The following PTCH2 variants were observed in gnomAD, a reference collection of about 807,000 sequenced individuals.
The protein encoded by PTCH2 is protein patched homolog 2.
A neutral mutation model predicts 117.9 loss-of-function variants in PTCH2; 96 were observed. The ratio of observed to expected loss-of-function variants is 0.81; its 90% CI spans 0.69 to 0.96. The LOEUF (loss-of-function observed/expected upper bound fraction) is 0.96, where lower values mean the gene tolerates loss of function less well. PTCH2 is among the 50% of genes least tolerant of loss of function. PTCH2 has a pLI of 0.00. For synonymous variants in PTCH2, 615 were observed against 660.9 expected (o/e 0.93, Z 1.06); for missense variants, 1,379 against 1,562.5 (o/e 0.88, Z 1.98).
intron 19 of PTCH2, among the ~76,000 whole-genome samples, chr1:44,824,830 G>A (rs1369746794): frequency 2.0e-5 from 3 of 151,536 alleles, no homozygotes; most frequent in East Asian, 3.9e-4. Flanking sequence ...CTGCCACTAC[G>A]CCTGGCTAAT....
downstream of PTCH2, chr1:44,820,404 G>T (rs181152082): frequency 3.8e-4 from 241 of 640,110 alleles, no homozygotes; most frequent in Non-Finnish European, 5.9e-4. Context: ...CTTACCCGCA[G>T]TAAGCCTCCG....
rs372069504 is a variant in PTCH2 at position 44,827,149 on chromosome 1, C to T, written c.2514+18G>A. The T allele has an allele frequency of 6.2e-7, 1 of 1,614,024 alleles. No individual in the cohort carries two copies. The highest frequency in any genetic ancestry group is 8.5e-7 in the Non-Finnish European group (1 of 1,179,988). On this transcript the variant is annotated intron_variant, in intron 16 of 21. Coordinates refer to ENST00000372192, the MANE Select transcript of PTCH2 (RefSeq NM_003738.5). ...CTGCAGCCCCTGTACTAGTGGACCC[C>T]TCCAGCCCTCTCCCAACCTGGCTGA...
In PTCH2 at chr1:44,829,019, T is replaced by C. The variant is rs1653296842; in HGVS notation, c.1427A>G (p.His476Arg). ...GCCAGGCAGAGCCTCTGTGAAGGCA[T>C]GCGCCAGCAGGAATACGTCATCCAC... The part of the protein sequence containing the change: ...IGVDDVFLLA[H>R]AFTEALPGTP... Residue 476 changes from histidine to arginine, a missense_variant, in exon 11 of 22, where the codon CAT becomes CGT. By Grantham distance (29) the His-to-Arg change is conservative. Coordinates refer to ENST00000372192, the MANE Select transcript of PTCH2 (RefSeq NM_003738.5). 1.9e-6 allele frequency: 3 copies of C among 1,577,346 alleles called. No individual in the cohort carries two copies. The highest frequency in any genetic ancestry group is 2.6e-6 in the Non-Finnish European group (3 of 1,161,200).
Position 44,831,557 on chromosome 1 carries a change from C to G in PTCH2, c.617+149G>C. 1.3e-6 allele frequency: 1 copy of G among 771,532 alleles called. No homozygotes were observed. The highest frequency in any genetic ancestry group is 2.2e-6 in the Non-Finnish European group (1 of 460,994). The allele number at this position is 771,532 out of a possible 1,614,324, so 47.8% of individuals were successfully genotyped here. ...AAAGAGAAGGAGGATGTGGAGAGAG[C>G]CTTGGGGAAGCCCATGCTCTCTGTT... On this transcript the variant is annotated intron_variant, in intron 5 of 21. Coordinates refer to ENST00000372192, the MANE Select transcript of PTCH2 (RefSeq NM_003738.5). The surrounding 1 kb of genome is among the most constrained non-coding windows in gnomAD (Gnocchi z 4.3).
chr1:44,827,558 C>A lies in PTCH2; in HGVS notation c.2215G>T (p.Val739Leu), dbSNP rs145997436. Residue 739 changes from valine to leucine, a missense_variant, in exon 15 of 22, where the codon GTG becomes TTG. Val to Leu is a conservative substitution (Grantham distance 32). Coordinates refer to ENST00000372192, the MANE Select transcript of PTCH2 (RefSeq NM_003738.5). ...AAGCCACCCTGGGTCACCAGGGCCACCTCGTACAGGGAGAAGTACCTGAGC... is the reference window on the plus strand; with the variant it reads ...AAGCCACCCTGGGTCACCAGGGCCAACTCGTACAGGGAGAAGTACCTGAGC... ...AQLRYFSLYE[V>L]ALVTQGGFDY... 3 of 1,614,046 alleles carry A rather than the reference C, an allele frequency of 1.9e-6. No homozygotes were observed. The African/African-American group carries it at 4.0e-5, about 22-fold the overall frequency.
rs768951349 is a variant in PTCH2, at chr1:44,830,587, C to CAAAAAAAAAAAAAAAAAAAAAA, written c.813+260_813+261insTTTTTTTTTTTTTTTTTTTTTT. Among the ~76,000 whole-genome samples, 153 of 65,048 alleles carry CAAAAAAAAAAAAAAAAAAAAAA rather than the reference C, an allele frequency of 2.4e-3. 12 individuals carry two copies. The highest frequency in any genetic ancestry group is 7.8e-3 in the African/African-American group (114 of 14,628). 42.7% of individuals were successfully genotyped at this position (65,048 alleles called of 152,430 possible). On this transcript the variant is annotated intron_variant, in intron 6 of 21. Coordinates refer to ENST00000372192, the MANE Select transcript of PTCH2 (RefSeq NM_003738.5). ...CCAGCCTGGGTGACAGAGTGAGACTCAAAAAAAAAAAAAAAAAGAAGTCCA... is the reference window on the plus strand; with the variant it reads ...CCAGCCTGGGTGACAGAGTGAGACTCAAAAAAAAAAAAAAAAAAAAAAAAAAAAAAAAAAAAAAAGAAGTCCA...
rs1444301772 is a variant in PTCH2 at position 44,843,040 on chromosome 1, G to A, written c.-108C>T. ...CTGGGCCCCGCGTAGGGATTCAGTGGGGCCGCCAAGGCGCGGGCGTGGGAG... is the reference window on the plus strand; with the variant it reads ...CTGGGCCCCGCGTAGGGATTCAGTGAGGCCGCCAAGGCGCGGGCGTGGGAG... On this transcript the variant is annotated 5_prime_UTR_variant, in exon 1 of 22. Transcript: ENST00000372192. 7.0e-7 allele frequency: 1 copy of A among 1,432,548 alleles called. No homozygotes were observed. The highest frequency in any genetic ancestry group is 9.1e-7 in the Non-Finnish European group (1 of 1,097,636). The allele number at this position is 1,432,548 out of a possible 1,614,324, so 88.7% of individuals were successfully genotyped here.
At position 44,832,238 on chromosome 1, in the gene PTCH2, TC is replaced by T; in HGVS notation, c.368del (p.Gly123GlufsTer34). ...GTGCTTCGGGTGTGAGGATGTTCTCTCCCTCCTGGCGTGCGGTCTGTATCAG... is the reference window on the plus strand; with the variant it reads ...GTGCTTCGGGTGTGAGGATGTTCTCTCCTCCTGGCGTGCGGTCTGTATCAG... The part of the protein sequence containing the change: ...QMLIQTARQE[G>X]ENILTPEALG... On this transcript the variant is annotated frameshift_variant, in exon 3 of 22. Transcript: ENST00000372192. LOFTEE classifies it high-confidence loss of function. 1 of 1,614,146 alleles carries T rather than the reference TC, an allele frequency of 6.2e-7. No homozygotes were observed. Among genetic ancestry groups the T allele is most frequent in the Non-Finnish European group, 8.5e-7 (1 of 1,180,020 alleles).
chr1:44,836,388 G>A (rs748911753), intron 2 of PTCH2, among the ~76,000 whole-genome samples: 4 of 152,122 alleles, frequency 2.6e-5, no homozygotes, highest in Non-Finnish European at 5.9e-5. Flanking sequence ...AAGGCAGGAG[G>A]ATCGCTTGAG....
At chr1:44,840,020 G>A (rs1573662543) in intron 2 of PTCH2, among the ~76,000 whole-genome samples, 1 of 151,846 alleles carries the variant, frequency 6.6e-6, no homozygotes, top group Non-Finnish European at 1.5e-5. Flanking sequence ...ATTTCCCAGG[G>A]AAAAACAGAC....
intron 1 of PTCH2, 85 bp from the exon 2 acceptor site, chr1:44,842,124 C>T (rs1653974229): frequency 4.5e-6 from 6 of 1,323,716 alleles, no homozygotes; most frequent in Admixed American, 3.5e-5. Flanking sequence ...ATCTGCTGCC[C>T]AGCCCTCGCT....
In PTCH2 at chr1:44,822,018, G is replaced by A. The variant is rs1048078785; in HGVS notation, c.*397C>T. Reference sequence around the variant, plus strand: ...AACATGTATGTATACTACAAAAATAGACATTTTCATATAAATAATGGATGT... The same window carrying A: ...AACATGTATGTATACTACAAAAATAAACATTTTCATATAAATAATGGATGT... On this transcript the variant is annotated 3_prime_UTR_variant, in exon 22 of 22. Coordinates refer to ENST00000372192, the MANE Select transcript of PTCH2 (RefSeq NM_003738.5). 1.1e-5 allele frequency: 15 copies of A among 1,313,256 alleles called. No individual in the cohort carries two copies. In the African/African-American group the frequency reaches 2.0e-4, roughly 17 times the overall value. The allele number at this position is 1,313,256 out of a possible 1,614,324, so 81.4% of individuals were successfully genotyped here. A position where few individuals can be genotyped will look rare whatever the true frequency, so the allele number is the denominator to read the frequency against.
chr1:44,826,780 AG>A lies in PTCH2; in HGVS notation c.2696-13del, dbSNP rs747151608. The A allele has an allele frequency of 1.3e-6, 2 of 1,597,022 alleles. No homozygotes were observed. Among genetic ancestry groups the A allele is most frequent in the East Asian group, 4.5e-5 (2 of 44,614 alleles). On this transcript the variant is annotated splice_polypyrimidine_tract_variant and intron_variant, in intron 17 of 21. Coordinates refer to ENST00000372192, the MANE Select transcript of PTCH2 (RefSeq NM_003738.5). This position sits in a 1 kb window ranked among gnomAD's most constrained non-coding sequence, Gnocchi z 5.1. ...CTGAGCTGGCGGGACTGTGGAGGGG[AG>A]GGGAAGGGAGAAGAGGGAGAGGGAC...
rs1653494014 is a variant in PTCH2, at chr1:44,832,323, T to TG, written c.283dup (p.Gln95ProfsTer50). The stretch of plus-strand genomic sequence containing the variant: ...CTTCTCCTTGGTGTAATGCAGCTCC[T>TG]GGCTCACCCGGCTGCCCACTGCCAG... On this transcript the variant is annotated frameshift_variant, in exon 3 of 22. Transcript: ENST00000372192. LOFTEE classifies it high-confidence loss of function. 6.2e-7 allele frequency: 1 copy of TG among 1,614,100 alleles called. No individual in the cohort carries two copies. Among genetic ancestry groups the TG allele is most frequent in the African/African-American group, 1.3e-5 (1 of 74,954 alleles).
In PTCH2 at chr1:44,827,468, C is replaced by T. The variant is rs1292556847; in HGVS notation, c.2305G>A (p.Val769Met). The change falls in exon 15 of 22, where the codon GTG (valine) becomes ATG (methionine). Residue 769 changes from valine (V) to methionine (M), a missense_variant. Coordinates refer to ENST00000372192, the MANE Select transcript of PTCH2 (RefSeq NM_003738.5). ...LHQRFSSLKA[V>M]LPPPATQAPR... Reference sequence around the variant, plus strand: ...GCCTGGGTGGCCGGTGGGGGCAGCACCGCCTTGAGGGAACTGAAGCGCTGG... The same window carrying T: ...GCCTGGGTGGCCGGTGGGGGCAGCATCGCCTTGAGGGAACTGAAGCGCTGG... 6.2e-7 allele frequency: 1 copy of T among 1,613,974 alleles called. No individual in the cohort carries two copies. The highest frequency in any genetic ancestry group is 1.3e-5 in the African/African-American group (1 of 74,922).
chr1:44,828,266 G>T (rs371653887), intron 13 of PTCH2, 30 bp downstream of exon 13: 1 of 1,613,186 alleles, frequency 6.2e-7, no homozygotes, highest in Non-Finnish European at 8.5e-7. Context: ...CGTGGGTCAC[G>T]GGAGGAAGGG....
At position 44,822,416 on chromosome 1, in the gene PTCH2, C is replaced by T; in HGVS notation, c.3611G>A (p.Ter1204=). 1 of 1,613,702 alleles carries T rather than the reference C, an allele frequency of 6.2e-7. No individual in the cohort carries two copies. The highest frequency in any genetic ancestry group is 8.5e-7 in the Non-Finnish European group (1 of 1,180,030). The part of the protein sequence containing the change: ...SSRGPGPATG[*] ...GGTCTCTGTGCTTCAGCTGCTCTTT[C>T]ACCCAGTGGCTGGACCTGGTCCCCT... The change falls in exon 22 of 22, where the codon TGA becomes TAA. Residue 1204 remains the stop codon, a stop_retained_variant. Coordinates refer to ENST00000372192, the MANE Select transcript of PTCH2 (RefSeq NM_003738.5).
downstream of PTCH2, chr1:44,819,963 A>C (rs964835222): frequency 1.3e-5 from 2 of 153,448 alleles, no homozygotes; most frequent in Non-Finnish European, 2.9e-5. Context: ...GTAAAAGGCG[A>C]AAGATTTATG....
At chr1:44,840,257 C>G (rs2148885422) in intron 2 of PTCH2, among the ~76,000 whole-genome samples, 1 of 151,768 alleles carries the variant, frequency 6.6e-6, no homozygotes, top group Non-Finnish European at 1.5e-5. Context: ...CGCCCGCCAC[C>G]ACGCCTGGCT....
Sources: gnomAD v4.1 joint callset for allele counts (sites outside exome capture counted in the v4.1 genomes callset) on GRCh38, gnomAD v4.1.1 for gene constraint, Gnocchi (gnomAD v3.1) non-coding constraint, MANE v1.5 for transcripts, NCBI Gene and HGNC (gene_info 2026-07-23, HGNC 2026-07-21) for gene names.